The following JPH3 variants were observed in gnomAD, a reference collection of about 807,000 sequenced individuals.
JPH3 encodes the protein junctophilin 3.
In JPH3, 11 loss-of-function variants were observed where a neutral mutation model predicts 59.6. That is an observed-to-expected ratio of 0.18 (90% CI 0.12 to 0.31). The LOEUF is 0.31. JPH3 is among the 10% of genes least tolerant of loss of function. The pLI is 1.00. For synonymous variants in JPH3, 673 were observed against 483.6 expected (o/e 1.39, Z -5.14); for missense variants, 1,202 against 1,105.7 (o/e 1.09, Z -1.24).
At chr16:87,640,619 C>T (rs1366705724) in intron 1 of JPH3, among the ~76,000 whole-genome samples, 1 of 152,080 alleles carries the variant, frequency 6.6e-6, no homozygotes, top group Non-Finnish European at 1.5e-5. Context: ...TCTCTAACTC[C>T]TGACTTCAGG....
intron 3 of JPH3, among the ~76,000 whole-genome samples, chr16:87,685,402 CGTGCCCCTGTGG>C (rs1284511619): frequency 2.6e-5 from 4 of 152,202 alleles, no homozygotes; most frequent in Admixed American, 2.0e-4. Context: ...CAATGGGCCA[CGTGCCCCTGTGG>C]CCATTGGCAT....
At chr16:87,656,883 G>T (rs537002699) in intron 2 of JPH3, among the ~76,000 whole-genome samples, 98 of 152,258 alleles carry the variant, frequency 6.4e-4, no homozygotes, top group Admixed American at 1.4e-3. Flanking sequence ...TTCCGACAGG[G>T]GATCACTCCT....
Position 87,669,438 on chromosome 16 carries a change from C to T in JPH3, c.1161-14704C>T, listed in dbSNP as rs142286082. 4.2e-4 allele frequency among the ~76,000 whole-genome samples: 64 copies of T among 152,344 alleles called. No individual in the cohort carries two copies. In the Middle Eastern group the frequency reaches 0.01, roughly 24 times the overall value. ...GGGAAGAGCAGGTCTCTGCAACACA[C>T]GCCTGGGGTTCCGTCCCCTCTGGCC... On this transcript the variant is annotated intron_variant, in intron 2 of 4. Transcript: ENST00000284262.
intron 2 of JPH3, among the ~76,000 whole-genome samples, chr16:87,683,579 C>T (rs937675223): frequency 3.9e-5 from 6 of 151,956 alleles, no homozygotes; most frequent in African/African-American, 1.5e-4. Flanking sequence ...GCTGGGATTA[C>T]AGGCGTGAGC....
chr16:87,660,114 G>T (rs1432685587), intron 2 of JPH3, among the ~76,000 whole-genome samples: 1 of 152,160 alleles, frequency 6.6e-6, no homozygotes, highest in Non-Finnish European at 1.5e-5. Flanking sequence ...TTCCTCATCT[G>T]TAAAGGGGAG....
chr16:87,669,126 C>G (rs1197428580), intron 2 of JPH3, among the ~76,000 whole-genome samples: 1 of 152,172 alleles, frequency 6.6e-6, no homozygotes, highest in Non-Finnish European at 1.5e-5. Flanking sequence ...CACTTTGGAT[C>G]CTGGGTCCTC....
chr16:87,607,459 G>A (rs1218610098), intron 1 of JPH3, among the ~76,000 whole-genome samples: 4 of 152,126 alleles, frequency 2.6e-5, no homozygotes, highest in African/African-American at 7.2e-5. Context: ...ACACACACGC[G>A]CACAAAACAC....
intron 1 of JPH3, among the ~76,000 whole-genome samples, chr16:87,639,643 C>A (rs1264188414): frequency 6.7e-6 from 1 of 148,762 alleles, no homozygotes; most frequent in Non-Finnish European, 1.5e-5. Flanking sequence ...TGGCCTCCCG[C>A]CTGTCCTCCC....
At position 87,696,740 on chromosome 16, in the gene JPH3, A is replaced by C; in HGVS notation, c.*80A>C. The C allele has an allele frequency of 1.7e-6, 2 of 1,199,664 alleles. No individual in the cohort carries two copies. The highest frequency in any genetic ancestry group is 2.4e-6 in the Non-Finnish European group (2 of 816,992). The allele number at this position is 1,199,664 out of a possible 1,614,324, so 74.3% of individuals were successfully genotyped here. On this transcript the variant is annotated 3_prime_UTR_variant, in exon 5 of 5. Coordinates refer to ENST00000284262, the MANE Select transcript of JPH3 (RefSeq NM_020655.4). ...TTAAAAGCAAAACCACAAGAAGGGA[A>C]AGACCGCAACTCGGACAGCCCAGCG...
chr16:87,684,904 C>T (rs902831676), intron 3 of JPH3, among the ~76,000 whole-genome samples: 1 of 152,116 alleles, frequency 6.6e-6, no homozygotes, highest in African/African-American at 2.4e-5. Flanking sequence ...GCGGAGAGGC[C>T]GTGGCCAGCT....
chr16:87,678,639 C>G (rs577170061), intron 2 of JPH3, among the ~76,000 whole-genome samples: 2 of 152,300 alleles, frequency 1.3e-5, no homozygotes, highest in African/African-American at 2.4e-5. Context: ...AAAGCTAGGT[C>G]TGCCTGGCAA....
chr16:87,667,313 T>A (rs1475781265), intron 2 of JPH3, among the ~76,000 whole-genome samples: 2 of 152,200 alleles, frequency 1.3e-5, no homozygotes, highest in Non-Finnish European at 2.9e-5. Context: ...CCGACGTGAA[T>A]GGAATATTCT....
chr16:87,613,535 G>A (rs1002380572), intron 1 of JPH3, among the ~76,000 whole-genome samples: 3 of 152,100 alleles, frequency 2.0e-5, no homozygotes, highest in African/African-American at 7.2e-5. Context: ...TGGCCAGACT[G>A]GTCTTGAACT....
At chr16:87,691,282 C>T (rs2033566233) in intron 4 of JPH3, among the ~76,000 whole-genome samples, 2 of 152,172 alleles carry the variant, frequency 1.3e-5, no homozygotes, top group Admixed American at 1.3e-4. Flanking sequence ...GCTCCCTTGA[C>T]CAGTGCTGCA....
chr16:87,673,393 T>G (rs1225004931), intron 2 of JPH3, among the ~76,000 whole-genome samples: 1 of 151,984 alleles, frequency 6.6e-6, no homozygotes, highest in Non-Finnish European at 1.5e-5. Context: ...CGTGGGGGTG[T>G]AAATGTCCTC....
intron 2 of JPH3, among the ~76,000 whole-genome samples, chr16:87,681,118 G>A (rs1279448783): frequency 3.9e-5 from 6 of 152,078 alleles, no homozygotes; most frequent in African/African-American, 9.6e-5. Context: ...TGATAGTTCC[G>A]GGAGGTCAGG....
chr16:87,660,000 T>C (rs944554469), intron 2 of JPH3, among the ~76,000 whole-genome samples: 6 of 152,134 alleles, frequency 3.9e-5, no homozygotes, highest in Admixed American at 3.3e-4. Context: ...AGGGGATTCC[T>C]TTCCTTGTCC....
chr16:87,604,958 C>T (rs866292976), intron 1 of JPH3: 1 of 453,908 alleles, frequency 2.2e-6, no homozygotes, highest in Non-Finnish European at 4.4e-6. Flanking sequence ...GACGGTGCTC[C>T]CTTGGTTCCA....
At chr16:87,619,979 G>A (rs2031113231) in intron 1 of JPH3, among the ~76,000 whole-genome samples, 1 of 152,174 alleles carries the variant, frequency 6.6e-6, no homozygotes, top group Non-Finnish European at 1.5e-5. Flanking sequence ...GGGCCACCCT[G>A]GGACCCAGTG....
Sources: gnomAD v4.1 joint callset for allele counts (sites outside exome capture counted in the v4.1 genomes callset) on GRCh38, gnomAD v4.1.1 for gene constraint, MANE v1.5 for transcripts, NCBI Gene and HGNC (gene_info 2026-07-23, HGNC 2026-07-21) for gene names.